The following KCNE2 variants were observed in gnomAD, a reference collection of about 807,000 sequenced individuals.
KCNE2 encodes potassium voltage-gated channel subfamily E member 2.
KCNE2 carries 4 observed loss-of-function variants against 4.5 expected under a neutral mutation model. The ratio of observed to expected loss-of-function variants is 0.89; its 90% CI spans 0.44 to 2.03. The LOEUF is 2.03. Ranked by LOEUF, KCNE2 falls within the 30% of genes most tolerant of loss-of-function variation. The probability of loss-of-function intolerance (pLI) is 0.03; values close to 1 mark genes in which losing one functional copy is unlikely to be tolerated. For synonymous variants in KCNE2, 57 were observed against 55.9 expected, an observed-to-expected ratio of 1.02 and a Z score of -0.09; for missense variants, 137 against 151.4, an observed-to-expected ratio of 0.90 and a Z score of 0.50.
chr21:34,369,805 C>T (rs192059891), intron 1 of KCNE2, among the ~76,000 whole-genome samples: 1 of 152,130 alleles, frequency 6.6e-6, no homozygotes, highest in South Asian at 2.1e-4. Context: ...ATGTACACAC[C>T]CCTCCCTTTA....
At position 34,370,996 on chromosome 21, in the gene KCNE2, C is replaced by A; in HGVS notation, c.*146C>A. 1 of 986,688 alleles carries A rather than the reference C, an allele frequency of 1.0e-6. No homozygotes were observed. Among genetic ancestry groups the A allele is most frequent in the Non-Finnish European group, 1.6e-6 (1 of 642,694 alleles). 61.1% of individuals were successfully genotyped at this position (986,688 alleles called of 1,614,324 possible). A position where few individuals can be genotyped will look rare whatever the true frequency, so the allele number is the denominator to read the frequency against. On this transcript the variant is annotated 3_prime_UTR_variant, in exon 2 of 2. Coordinates refer to ENST00000290310, the MANE Select transcript of KCNE2 (RefSeq NM_172201.2). ...ATTTTCATGGAGATTATGTGGTTGG[C>A]CAATAAAGATAGATGACATTTCAAT...
At chr21:34,368,229 A>ACACACTATATCTATATCT (rs781775671) in intron 1 of KCNE2, among the ~76,000 whole-genome samples, 1 of 84,808 alleles carries the variant, frequency 1.2e-5, no homozygotes, top group African/African-American at 6.0e-5. Context: ...ACACACACAC[A>ACACACTATATCTATATCT]ATATATATAT....
intron 1 of KCNE2, 119 bp from the exon 2 acceptor site, chr21:34,370,347 AG>A: frequency 8.6e-7 from 1 of 1,167,238 alleles, no homozygotes; most frequent in Non-Finnish European, 1.3e-6. Context: ...ATCACCAGCC[AG>A]GTTAAGAAGA....
chr21:34,367,372 G>T (rs1302016422), intron 1 of KCNE2, among the ~76,000 whole-genome samples: 3 of 152,122 alleles, frequency 2.0e-5, no homozygotes, highest in Non-Finnish European at 4.4e-5. Context: ...GTGGATTAAA[G>T]CCAGCTCAGC....
In KCNE2 at chr21:34,371,219, C is replaced by G. The variant is rs970997257; in HGVS notation, c.*369C>G. The G allele has an allele frequency of 6.6e-6, 2 of 305,208 alleles. No homozygotes were observed. Among genetic ancestry groups the G allele is most frequent in the African/African-American group, 4.4e-5 (2 of 45,640 alleles). 18.9% of individuals were successfully genotyped at this position (305,208 alleles called of 1,614,324 possible). Reference sequence around the variant, plus strand: ...TTGAATCTTCTTTCTCATGAAACATCATTTGTGTGTGACAAATTCAATTTA... The same window carrying G: ...TTGAATCTTCTTTCTCATGAAACATGATTTGTGTGTGACAAATTCAATTTA... On this transcript the variant is annotated 3_prime_UTR_variant, in exon 2 of 2. Transcript: ENST00000290310.
At chr21:34,366,933 C>T (rs1356004006) in intron 1 of KCNE2, among the ~76,000 whole-genome samples, 2 of 134,402 alleles carry the variant, frequency 1.5e-5, no homozygotes, top group East Asian at 2.5e-4. Flanking sequence ...AAGCCGAGAT[C>T]GCGCCACTGC....
chr21:34,367,251 A>C (rs1979350715), intron 1 of KCNE2, among the ~76,000 whole-genome samples: 1 of 151,730 alleles, frequency 6.6e-6, no homozygotes, highest in Non-Finnish European at 1.5e-5. Flanking sequence ...ACTTGAGCCT[A>C]GGAGTTTAAC....
chr21:34,371,253 C>G lies in KCNE2; in HGVS notation c.*403C>G, dbSNP rs981065995. On this transcript the variant is annotated 3_prime_UTR_variant, in exon 2 of 2. Transcript: ENST00000290310. ...GTGACAAATTCAATTTATAAATAAC[C>G]CAGATGTATTATGTAGAAGCTGAGG... 3.6e-6 allele frequency: 1 copy of G among 274,854 alleles called. No homozygotes were observed. Among genetic ancestry groups the G allele is most frequent in the African/African-American group, 2.2e-5 (1 of 44,632 alleles). 17.0% of individuals were successfully genotyped at this position (274,854 alleles called of 1,614,324 possible).
At position 34,370,929 on chromosome 21, in the gene KCNE2, T is replaced by C; in HGVS notation, c.*79T>C. On this transcript the variant is annotated 3_prime_UTR_variant, in exon 2 of 2. Coordinates refer to ENST00000290310, the MANE Select transcript of KCNE2 (RefSeq NM_172201.2). ...AGTGCCACGAGGCAAATCCAAATTG[T>C]CTTTGCTTAGAAGAAAGTGAGTTCC... 6.3e-7 allele frequency: 1 copy of C among 1,583,678 alleles called. No individual in the cohort carries two copies. The highest frequency in any genetic ancestry group is 1.7e-5 in the Admixed American group (1 of 59,466).
chr21:34,370,317 A>G lies in KCNE2; in HGVS notation c.-12-150A>G, dbSNP rs147700763. The G allele has an allele frequency of 2.6e-4, 226 of 872,200 alleles. 2 individuals carry two copies. The highest frequency in any genetic ancestry group is 2.3e-3 in the African/African-American group (139 of 59,226). The allele number at this position is 872,200 out of a possible 1,614,324, so 54.0% of individuals were successfully genotyped here. A position where few individuals can be genotyped will look rare whatever the true frequency, so the allele number is the denominator to read the frequency against. On this transcript the variant is annotated intron_variant, in intron 1 of 1. Coordinates refer to ENST00000290310, the MANE Select transcript of KCNE2 (RefSeq NM_172201.2). ...TAAAATGTACGCAGTCAGTTTAAAG[A>G]CTAACAAAATATGCATTAAATCACC... is the stretch of plus-strand genomic sequence containing the variant.
At chr21:34,364,484 T>G (rs1218319794) in intron 1 of KCNE2, among the ~76,000 whole-genome samples, 2 of 152,034 alleles carry the variant, frequency 1.3e-5, no homozygotes, top group Non-Finnish European at 2.9e-5. Flanking sequence ...AAAGAAAACT[T>G]TGGGGCTGGG....
At position 34,371,189 on chromosome 21, in the gene KCNE2, A is replaced by T; in HGVS notation, c.*339A>T. On this transcript the variant is annotated 3_prime_UTR_variant, in exon 2 of 2. Transcript: ENST00000290310. ...TGGGGATAGAAAGGAGAGATTTACA[A>T]ATCATTGAATCTTCTTTCTCATGAA... 3.1e-6 allele frequency: 1 copy of T among 327,148 alleles called. No individual in the cohort carries two copies. The highest frequency in any genetic ancestry group is 6.0e-6 in the Non-Finnish European group (1 of 166,436). The allele number at this position is 327,148 out of a possible 1,614,324, so 20.3% of individuals were successfully genotyped here. A position where few individuals can be genotyped will look rare whatever the true frequency, so the allele number is the denominator to read the frequency against.
At chr21:34,366,815 T>TA (rs557359018) in intron 1 of KCNE2, among the ~76,000 whole-genome samples, 2 of 150,976 alleles carry the variant, frequency 1.3e-5, no homozygotes, top group Admixed American at 6.6e-5. Flanking sequence ...CCGTCTGTAC[T>TA]AAAAATACAA....
rs41315515 is a variant in KCNE2, at chr21:34,371,306, C to T, written c.*456C>T. 1.3e-3 allele frequency: 279 copies of T among 219,532 alleles called. 2 individuals carry two copies. In the East Asian group the frequency reaches 0.022, roughly 17 times the overall value. 13.6% of individuals were successfully genotyped at this position (219,532 alleles called of 1,614,324 possible). ...CAAAAGCTATCACTTGCTTACCAGA[C>T]GGACATAGGAGCATTTATCTGTAAT... On this transcript the variant is annotated 3_prime_UTR_variant, in exon 2 of 2. Coordinates refer to ENST00000290310, the MANE Select transcript of KCNE2 (RefSeq NM_172201.2).
chr21:34,368,436 TA>T (rs1555836845), intron 1 of KCNE2, among the ~76,000 whole-genome samples: 1 of 151,546 alleles, frequency 6.6e-6, no homozygotes, highest in Non-Finnish European at 1.5e-5. Context: ...CCGTCTCTAC[TA>T]AAAATACAAA....
intron 1 of KCNE2, among the ~76,000 whole-genome samples, chr21:34,369,028 G>C (rs1979465217): frequency 6.6e-6 from 1 of 152,090 alleles, no homozygotes; most frequent in Non-Finnish European, 1.5e-5. Flanking sequence ...AGGCATTCTA[G>C]GTTGAGAGAA....
intron 1 of KCNE2, among the ~76,000 whole-genome samples, chr21:34,366,776 G>C (rs975394622): frequency 6.6e-6 from 1 of 151,150 alleles, no homozygotes; most frequent in Non-Finnish European, 1.5e-5. Context: ...TCAGGAGATC[G>C]AGACCATCCT....
At chr21:34,364,698 G>A (rs34532322) in intron 1 of KCNE2, among the ~76,000 whole-genome samples, 54,973 of 151,310 alleles carry the variant, frequency 0.36, 11,204 homozygotes, top group African/African-American at 0.56. Context: ...GCATGAACCC[G>A]GGAGGTGGAG....
rs1156629919 is a variant in KCNE2, at chr21:34,371,070, C to T, written c.*220C>T. On this transcript the variant is annotated 3_prime_UTR_variant, in exon 2 of 2. Transcript: ENST00000290310. ...TGGAGCAATATTTTGTGCTGAAGACCTCTTTTACTTTCCGGGCAAGTGAAT... is the reference window on the plus strand; with the variant it reads ...TGGAGCAATATTTTGTGCTGAAGACTTCTTTTACTTTCCGGGCAAGTGAAT... 3 of 615,678 alleles carry T rather than the reference C, an allele frequency of 4.9e-6. No individual in the cohort carries two copies. The highest frequency in any genetic ancestry group is 1.9e-5 in the African/African-American group (1 of 53,918). 38.1% of individuals were successfully genotyped at this position (615,678 alleles called of 1,614,324 possible).
Sources: gnomAD v4.1 joint callset for allele counts (sites outside exome capture counted in the v4.1 genomes callset) on GRCh38, gnomAD v4.1.1 for gene constraint, MANE v1.5 for transcripts, NCBI Gene and HGNC (gene_info 2026-07-23, HGNC 2026-07-21) for gene names.